Variants in CGREF1 observed in about 807,000 individuals in gnomAD.
CGREF1 encodes the protein cell growth regulator with EF-hand domain 1.
CGREF1 carries 16 observed loss-of-function variants against 17.4 expected under a neutral mutation model. The observed-to-expected ratio is 0.92, with a 90% CI of 0.62 to 1.40. The LOEUF is 1.40. Among genes scored for constraint, CGREF1 ranks in the 40% most tolerant of loss-of-function variants. The probability of loss-of-function intolerance (pLI) is 0.00; values close to 1 mark genes in which losing one functional copy is unlikely to be tolerated. For synonymous variants in CGREF1, 142 were observed against 154.6 expected (o/e 0.92, Z 0.61); for missense variants, 296 against 376.4 (o/e 0.79, Z 1.77).
Position 27,100,993 on chromosome 2 carries a change from C to CAT in CGREF1, c.*280_*281insAT. 3 of 1,234,062 alleles carry CAT rather than the reference C, an allele frequency of 2.4e-6. No individual in the cohort carries two copies. The highest frequency in any genetic ancestry group is 3.0e-6 in the Non-Finnish European group (3 of 987,284). 76.4% of individuals were successfully genotyped at this position (1,234,062 alleles called of 1,614,324 possible). On this transcript the variant is annotated 3_prime_UTR_variant, in exon 6 of 6. Coordinates refer to ENST00000402394, the MANE Select transcript of CGREF1 (RefSeq NM_006569.6). ...GTGAGGCCCAGAAACACTGGGCAGG[C>CAT]GGCATCCCTGTCCTTTCGGTCCCCA...
chr2:27,106,843 C>A (rs1456423046), intron 1 of CGREF1, among the ~76,000 whole-genome samples: 1 of 152,200 alleles, frequency 6.6e-6, no homozygotes, highest in Admixed American at 6.5e-5. Flanking sequence ...GTCTCGAACT[C>A]CTGATCTCAG....
chr2:27,118,212 C>G (rs1671659688), intron 1 of CGREF1, among the ~76,000 whole-genome samples: 1 of 152,134 alleles, frequency 6.6e-6, no homozygotes, highest in Non-Finnish European at 1.5e-5. Flanking sequence ...ATTTCTTCCT[C>G]AGCAACCCTG....
intron 1 of CGREF1, among the ~76,000 whole-genome samples, chr2:27,108,981 G>GT (rs1422743160): frequency 2.6e-5 from 4 of 151,704 alleles, no homozygotes; most frequent in Non-Finnish European, 5.9e-5. Context: ...TCTCAACTTT[G>GT]TTGCCCAGGC....
chr2:27,113,508 T>C (rs7582361), intron 1 of CGREF1, among the ~76,000 whole-genome samples: 61,031 of 152,072 alleles, frequency 0.4, 12,638 homozygotes, highest in Admixed American at 0.53. Flanking sequence ...CTTGCAAATA[T>C]GTAAGTAGGA....
rs530375855 is a variant in CGREF1 at position 27,102,482 on chromosome 2, G to T, written c.146+44C>A. On this transcript the variant is annotated intron_variant, in intron 3 of 5. Transcript: ENST00000402394. ...GGGAGAGGTGAGTCTGCAGCCCTGG[G>T]CCTGGTCTTCTCCCTGAAAGCACCC... The T allele has an allele frequency of 1.8e-5, 29 of 1,613,418 alleles. 1 individual carries two copies. In the South Asian group the frequency reaches 2.6e-4, roughly 15 times the overall value.
chr2:27,112,316 G>T lies in CGREF1; in HGVS notation c.-12+6530C>A, dbSNP rs564846955. The stretch of plus-strand genomic sequence containing the variant: ...AAAGACTAAAAGAACAAATAGAAAA[G>T]GCACAAACAATATTAAGAAGGAAAA... On this transcript the variant is annotated intron_variant, in intron 1 of 5. Transcript: ENST00000402394. 1.6e-4 allele frequency among the ~76,000 whole-genome samples: 25 copies of T among 151,900 alleles called. No homozygotes were observed. The South Asian group carries it at 1.9e-3, about 11-fold the overall frequency.
Position 27,101,759 on chromosome 2 carries a change from G to A in CGREF1, c.472C>T (p.Pro158Ser), listed in dbSNP as rs1244339608. Residue 158 changes from proline (P) to serine (S), a missense_variant, in exon 6 of 6, where the codon CCA becomes TCA. Pro to Ser is a moderately conservative substitution (Grantham distance 74). Coordinates refer to ENST00000402394, the MANE Select transcript of CGREF1 (RefSeq NM_006569.6). The stretch of plus-strand genomic sequence containing the variant: ...ACAGCTTGTGGCTCCTGAGGAGATG[G>A]AGCAAGGGGCTCTCCGGGCTCCACG... ...RHVEPGEPLA[P>S]SPQEPQAVGR... 2.5e-6 allele frequency: 4 copies of A among 1,614,114 alleles called. No individual in the cohort carries two copies. The highest frequency in any genetic ancestry group is 2.2e-5 in the South Asian group (2 of 91,092).
At chr2:27,099,878 T>A (rs571250340), downstream of CGREF1, 1 of 1,547,000 alleles carries the variant, frequency 6.5e-7, no homozygotes, top group Admixed American at 2.0e-5. Context: ...GGGAGGACTC[T>A]GCCTGTGTCC....
intron 1 of CGREF1, among the ~76,000 whole-genome samples, chr2:27,110,468 C>G (rs979227782): frequency 6.6e-6 from 1 of 151,686 alleles, no homozygotes; most frequent in African/African-American, 2.4e-5. Context: ...AGAGACTACA[C>G]TTAAAGAAAT....
intron 1 of CGREF1, among the ~76,000 whole-genome samples, chr2:27,118,433 C>T (rs1257083602): frequency 2.6e-5 from 4 of 152,212 alleles, no homozygotes; most frequent in Admixed American, 1.3e-4. Flanking sequence ...TAGAGGAGCC[C>T]ACACCCGGGA....
At chr2:27,117,855 A>G (rs1671641817) in intron 1 of CGREF1, among the ~76,000 whole-genome samples, 1 of 152,034 alleles carries the variant, frequency 6.6e-6, no homozygotes, top group African/African-American at 2.4e-5. Context: ...ATCTGGGACT[A>G]CAGGCGCCTG....
chr2:27,104,614 C>T lies in CGREF1; in HGVS notation c.-11-237G>A, dbSNP rs758948821. On this transcript the variant is annotated intron_variant, in intron 1 of 5. Coordinates refer to ENST00000402394, the MANE Select transcript of CGREF1 (RefSeq NM_006569.6). ...GCACATAAAGGCAGGCCTGCTGTGG[C>T]GGAAGCAGAGCTGGGGGCGCATCCC... 2.3e-5 allele frequency: 36 copies of T among 1,550,588 alleles called. No homozygotes were observed. The East Asian group carries it at 3.9e-4, about 17-fold the overall frequency.
At chr2:27,104,696 C>T (rs1241561192) in intron 1 of CGREF1, 2 of 1,549,672 alleles carry the variant, frequency 1.3e-6, no homozygotes, top group African/African-American at 1.4e-5. Flanking sequence ...CAGAGAAGTA[C>T]AGCGCAAGCA....
downstream of CGREF1, chr2:27,099,786 A>G (rs746554524): frequency 1.2e-6 from 2 of 1,607,720 alleles, no homozygotes; most frequent in Non-Finnish European, 1.7e-6. Context: ...CATGGAGACT[A>G]CCATTGCGGC....
At chr2:27,100,322 C>A, downstream of CGREF1, 2 of 833,820 alleles carry the variant, frequency 2.4e-6, no homozygotes, top group South Asian at 2.9e-5. Context: ...CTGCCCTGCC[C>A]ACCAGCCTGT....
chr2:27,116,871 T>TTCTCTCTCTCTCTCTCTCTCTCTCCTC (rs1671588026), intron 1 of CGREF1, among the ~76,000 whole-genome samples: 1 of 33,680 alleles, frequency 3.0e-5, no homozygotes, highest in African/African-American at 1.0e-4. Context: ...GCCAGGCCTA[T>TTCTCTCTCTCTCTCTCTCTCTCTCCTC]TCTCTCTCTC....
intron 1 of CGREF1, among the ~76,000 whole-genome samples, chr2:27,111,651 G>C (rs1235392972): frequency 1.3e-5 from 2 of 152,204 alleles, no homozygotes; most frequent in Middle Eastern, 3.2e-3. Flanking sequence ...CTCGAGCCCT[G>C]CCCCGCGGGG....
At chr2:27,109,800 G>A (rs1280003597) in intron 1 of CGREF1, among the ~76,000 whole-genome samples, 1 of 138,004 alleles carries the variant, frequency 7.2e-6, no homozygotes, top group Non-Finnish European at 1.5e-5. Flanking sequence ...CAGGATAATC[G>A]CTTGAACCTG....
intron 1 of CGREF1, chr2:27,104,724 C>A: frequency 6.5e-7 from 1 of 1,529,836 alleles, no homozygotes; most frequent in Non-Finnish European, 8.8e-7. Flanking sequence ...CCTCCTTCAG[C>A]CCATTCATCT....
Sources: gnomAD v4.1 joint callset for allele counts (sites outside exome capture counted in the v4.1 genomes callset) on GRCh38, gnomAD v4.1.1 for gene constraint, MANE v1.5 for transcripts, NCBI Gene and HGNC (gene_info 2026-07-23, HGNC 2026-07-21) for gene names.